The following GALNT10 variants were observed in gnomAD, a reference collection of about 807,000 sequenced individuals.
GALNT10 encodes the protein polypeptide N-acetylgalactosaminyltransferase 10.
In GALNT10, 41 loss-of-function variants were observed where a neutral mutation model predicts 75.0. The observed-to-expected ratio is 0.55, with a 90% CI of 0.43 to 0.71. GALNT10 has a LOEUF of 0.71. Among genes scored for constraint, GALNT10 ranks in the 30% least tolerant of loss-of-function variants. The pLI is 0.00. For missense variants in GALNT10, 727 were observed against 818.5 expected (o/e 0.89, Z 1.36); for synonymous variants, 302 against 313.0 (o/e 0.96, Z 0.37).
chr5:154,399,521 G>A (rs777666558), intron 7 of GALNT10, among the ~76,000 whole-genome samples: 18 of 152,292 alleles, frequency 1.2e-4, no homozygotes, highest in Admixed American at 3.3e-4. Flanking sequence ...CCTTCTGCCC[G>A]AGAAACAAGG....
Position 154,272,936 on chromosome 5 carries a change from C to T in GALNT10, c.160-21880C>T, listed in dbSNP as rs541414579. ...GCTTACTGCAACCTTGAATTGTGTA[C>T]TCTAGACGGTAGGAAATGGGCTCAG... On this transcript the variant is annotated intron_variant, in intron 1 of 11. Coordinates refer to ENST00000297107, the MANE Select transcript of GALNT10 (RefSeq NM_198321.4). 3.6e-5 allele frequency among the ~76,000 whole-genome samples: 3 copies of T among 83,062 alleles called. No individual in the cohort carries two copies. In the East Asian group the frequency reaches 2.4e-3, roughly 66 times the overall value. The allele number at this position is 83,062 out of a possible 152,430, so 54.5% of individuals were successfully genotyped here. A position where few individuals can be genotyped will look rare whatever the true frequency, so the allele number is the denominator to read the frequency against.
intron 4 of GALNT10, among the ~76,000 whole-genome samples, chr5:154,367,663 G>A (rs1324569732): frequency 6.6e-6 from 1 of 152,074 alleles, no homozygotes; most frequent in Admixed American, 6.6e-5. Context: ...GACCATCCTG[G>A]CTAACATGTT....
chr5:154,257,479 T>C (rs1753631807), intron 1 of GALNT10, among the ~76,000 whole-genome samples: 1 of 152,130 alleles, frequency 6.6e-6, no homozygotes, highest in Non-Finnish European at 1.5e-5. Context: ...CAGAAACTTG[T>C]CTCAAAGTGG....
At chr5:154,394,380 G>C (rs1211427645) in intron 7 of GALNT10, among the ~76,000 whole-genome samples, 3 of 144,920 alleles carry the variant, frequency 2.1e-5, no homozygotes, top group Non-Finnish European at 4.5e-5. Flanking sequence ...TTATCAAGAA[G>C]ACTAAGTGAA....
At chr5:154,232,743 G>A (rs958206673) in intron 1 of GALNT10, among the ~76,000 whole-genome samples, 2 of 152,194 alleles carry the variant, frequency 1.3e-5, no homozygotes, top group African/African-American at 4.8e-5. Context: ...AGTGTGGCAG[G>A]AGCATCGTGA....
intron 8 of GALNT10, among the ~76,000 whole-genome samples, chr5:154,408,324 C>T (rs549894336): frequency 6.6e-6 from 1 of 152,288 alleles, no homozygotes; most frequent in East Asian, 1.9e-4. Context: ...TCCCCTTTAA[C>T]CTTTCAGAGG....
intron 1 of GALNT10, among the ~76,000 whole-genome samples, chr5:154,208,547 C>G (rs1775144834): frequency 1.3e-5 from 2 of 152,192 alleles, no homozygotes; most frequent in African/African-American, 2.4e-5. Context: ...AGTTAGTTAT[C>G]AGGATTAAAG....
chr5:154,405,879 T>G (rs1013141482), intron 8 of GALNT10, among the ~76,000 whole-genome samples: 5 of 145,518 alleles, frequency 3.4e-5, no homozygotes, highest in African/African-American at 4.9e-5. Flanking sequence ...TGCTGTTGTT[T>G]TTTTTTTTAA....
chr5:154,256,070 C>T (rs978640936), intron 1 of GALNT10, among the ~76,000 whole-genome samples: 1 of 152,028 alleles, frequency 6.6e-6, no homozygotes, highest in African/African-American at 2.4e-5. Context: ...TCCCTGAGCT[C>T]CCAGATCTTC....
At chr5:154,239,663 C>A (rs749123265) in intron 1 of GALNT10, among the ~76,000 whole-genome samples, 4 of 152,098 alleles carry the variant, frequency 2.6e-5, no homozygotes, top group African/African-American at 9.7e-5. Context: ...TGCCATTAAT[C>A]GAACATCATT....
chr5:154,300,537 G>A (rs1485829658), intron 3 of GALNT10, among the ~76,000 whole-genome samples: 1 of 152,204 alleles, frequency 6.6e-6, no homozygotes, highest in African/African-American at 2.4e-5. Flanking sequence ...AATCACTGGT[G>A]TGCAATGAAG....
intron 1 of GALNT10, among the ~76,000 whole-genome samples, chr5:154,227,856 G>A (rs1453614472): frequency 5.3e-5 from 8 of 151,924 alleles, no homozygotes; most frequent in Admixed American, 6.6e-5. Context: ...ATATAGTTTG[G>A]ATATCTGTCT....
At chr5:154,340,428 C>T (rs568408617) in intron 4 of GALNT10, among the ~76,000 whole-genome samples, 1 of 152,258 alleles carries the variant, frequency 6.6e-6, no homozygotes, top group East Asian at 1.9e-4. Flanking sequence ...CCAAGAGATT[C>T]CCCTTCTCTG....
chr5:154,223,323 T>G (rs920509587), intron 1 of GALNT10, among the ~76,000 whole-genome samples: 4 of 152,224 alleles, frequency 2.6e-5, no homozygotes, highest in Non-Finnish European at 5.9e-5. Context: ...GGAAACAGGC[T>G]TAGAGAAGTT....
At chr5:154,240,096 G>A (rs1178748883) in intron 1 of GALNT10, among the ~76,000 whole-genome samples, 1 of 152,198 alleles carries the variant, frequency 6.6e-6, no homozygotes, top group Non-Finnish European at 1.5e-5. Flanking sequence ...ATGTGTGTAT[G>A]AGAATGTGTA....
At chr5:154,369,814 C>G (rs1013528535) in intron 4 of GALNT10, among the ~76,000 whole-genome samples, 1 of 152,236 alleles carries the variant, frequency 6.6e-6, no homozygotes, top group African/African-American at 2.4e-5. Context: ...GCTGGTGATG[C>G]TGCTGACTCA....
At position 154,214,298 on chromosome 5, in the gene GALNT10, T is replaced by C. The variant is rs1045776158; in HGVS notation, c.159+23273T>C. 2.6e-5 allele frequency among the ~76,000 whole-genome samples: 4 copies of C among 152,152 alleles called. No homozygotes were observed. In the South Asian group the frequency reaches 8.3e-4, roughly 32 times the overall value. On this transcript the variant is annotated intron_variant, in intron 1 of 11. Transcript: ENST00000297107. ...TCTCCTATTGAAAATTCAAACCTGATAACCAACCAGAGGGACTTATCTTTT... is the reference window on the plus strand; with the variant it reads ...TCTCCTATTGAAAATTCAAACCTGACAACCAACCAGAGGGACTTATCTTTT...
At chr5:154,410,402 A>C (rs944721594) in intron 9 of GALNT10, among the ~76,000 whole-genome samples, 3 of 151,620 alleles carry the variant, frequency 2.0e-5, no homozygotes, top group Non-Finnish European at 4.4e-5. Context: ...AAAAGAAAAA[A>C]TTAGCCAGGC....
chr5:154,246,476 T>C (rs1753426063), intron 1 of GALNT10, among the ~76,000 whole-genome samples: 1 of 152,208 alleles, frequency 6.6e-6, no homozygotes, highest in Non-Finnish European at 1.5e-5. Context: ...ACCTGTTGTT[T>C]CCTGACTTTT....
Sources: gnomAD v4.1 joint callset for allele counts (sites outside exome capture counted in the v4.1 genomes callset) on GRCh38, gnomAD v4.1.1 for gene constraint, MANE v1.5 for transcripts, NCBI Gene and HGNC (gene_info 2026-07-23, HGNC 2026-07-21) for gene names.